Variants in KLF12 observed in about 807,000 individuals in gnomAD.
The protein encoded by KLF12 is KLF transcription factor 12, also known as Krueppel-like factor 12.
In KLF12, 9 loss-of-function variants were observed where a neutral mutation model predicts 37.8. The observed-to-expected ratio is 0.24, with a 90% confidence interval of 0.14 to 0.42. The LOEUF (loss-of-function observed/expected upper bound fraction) is 0.42, where lower values mean the gene tolerates loss of function less well. Among genes scored for constraint, KLF12 ranks in the 10% least tolerant of loss-of-function variants. KLF12 has a pLI of 1.00. For synonymous variants in KLF12, 208 were observed against 202.1 expected (o/e 1.03, Z -0.25); for missense variants, 411 against 516.0 (o/e 0.80, Z 1.97).
intron 4 of KLF12, among the ~76,000 whole-genome samples, chr13:73,828,690 A>G (rs1055569885): frequency 6.6e-6 from 1 of 152,104 alleles, no homozygotes; most frequent in African/African-American, 2.4e-5. Context: ...AATCCCATCT[A>G]CTTCCAAGTT....
chr13:74,288,651 A>G, the KLF12 span, among the ~76,000 whole-genome samples: 2 of 152,190 alleles, frequency 1.3e-5, no homozygotes, highest in Admixed American at 1.3e-4. Context: ...CAAGAAATGG[A>G]AGCCTCCGCA....
intron 6 of KLF12, among the ~76,000 whole-genome samples, chr13:73,724,508 T>A (rs758739970): frequency 8.5e-5 from 13 of 152,216 alleles, no homozygotes; most frequent in Non-Finnish European, 1.8e-4. Flanking sequence ...AGAATGACTG[T>A]CTGAGGCCAC....
chr13:74,113,478 T>C (rs1391629679), intron 1 of KLF12, among the ~76,000 whole-genome samples: 1 of 152,220 alleles, frequency 6.6e-6, no homozygotes, highest in Non-Finnish European at 1.5e-5. Flanking sequence ...TGAAAAATTA[T>C]GCTAAATCTA....
chr13:73,826,181 G>C (rs1286509671), intron 4 of KLF12, among the ~76,000 whole-genome samples: 8 of 151,870 alleles, frequency 5.3e-5, no homozygotes, highest in Admixed American at 5.2e-4. Context: ...CACCGTGTTA[G>C]TCAGGATTGT....
chr13:73,917,476 T>A (rs1888903751), intron 3 of KLF12, among the ~76,000 whole-genome samples: 1 of 152,214 alleles, frequency 6.6e-6, no homozygotes, highest in Non-Finnish European at 1.5e-5. Context: ...CCATACTGCT[T>A]ATGACATACA....
chr13:73,855,238 C>G (rs184624091), intron 3 of KLF12, among the ~76,000 whole-genome samples: 73 of 152,276 alleles, frequency 4.8e-4, no homozygotes, highest in Admixed American at 2.0e-3. Flanking sequence ...GTTTTCCAAT[C>G]CTTGCCTCCC....
At chr13:73,943,226 G>A (rs1593764374) in intron 3 of KLF12, among the ~76,000 whole-genome samples, 3 of 152,122 alleles carry the variant, frequency 2.0e-5, no homozygotes, top group African/African-American at 7.2e-5. Context: ...TGCCTCAGTG[G>A]TGGTGGTTTA....
chr13:74,253,390 C>A, the KLF12 span, among the ~76,000 whole-genome samples: 2 of 152,062 alleles, frequency 1.3e-5, no homozygotes, highest in Non-Finnish European at 2.9e-5. Context: ...GACTTTGAAA[C>A]CACAATATAT....
chr13:74,149,771 G>A, the KLF12 span, among the ~76,000 whole-genome samples: 3 of 152,168 alleles, frequency 2.0e-5, no homozygotes, highest in Admixed American at 6.6e-5. Flanking sequence ...ATGGCTACCT[G>A]TGACCTCTCC....
chr13:73,978,488 C>T (rs1248575951), intron 2 of KLF12, among the ~76,000 whole-genome samples: 1 of 152,292 alleles, frequency 6.6e-6, no homozygotes, highest in East Asian at 1.9e-4. Flanking sequence ...GCAACAAGGA[C>T]TCTCACTCAT....
chr13:74,050,660 G>A (rs139642040), intron 1 of KLF12, among the ~76,000 whole-genome samples: 3 of 152,266 alleles, frequency 2.0e-5, no homozygotes, highest in African/African-American at 7.2e-5. Flanking sequence ...TATTGGTCTG[G>A]TCAATGATTT....
intron 6 of KLF12, among the ~76,000 whole-genome samples, chr13:73,736,847 C>T (rs1358415799): frequency 6.6e-6 from 1 of 151,944 alleles, no homozygotes; most frequent in African/African-American, 2.4e-5. Flanking sequence ...AGAGAATGAC[C>T]AAAACAAAAC....
At position 74,020,816 on chromosome 13, in the gene KLF12, G is replaced by A. The variant is rs577503064; in HGVS notation, c.-31-25763C>T. Among the ~76,000 whole-genome samples, 16 of 151,948 alleles carry A rather than the reference G, an allele frequency of 1.1e-4. No individual in the cohort carries two copies. The South Asian group carries it at 1.7e-3, about 16-fold the overall frequency. On this transcript the variant is annotated intron_variant, in intron 1 of 7. Coordinates refer to ENST00000377669, the MANE Select transcript of KLF12 (RefSeq NM_007249.5). The stretch of plus-strand genomic sequence containing the variant: ...TGAGGCAGGAGAATGGCGTGAACCC[G>A]GGAGGCGGAGCTTGCAGTGAGTGAA...
the KLF12 span, among the ~76,000 whole-genome samples, chr13:74,187,689 G>A: frequency 3.3e-5 from 5 of 152,216 alleles, no homozygotes; most frequent in African/African-American, 1.2e-4. Flanking sequence ...GGGATGACTG[G>A]GGGCCAGAGA....
intron 1 of KLF12, among the ~76,000 whole-genome samples, chr13:74,006,863 T>C (rs1892422190): frequency 6.6e-6 from 1 of 152,226 alleles, no homozygotes. Context: ...GTCTGAACGA[T>C]TGCTCATCTC....
chr13:73,763,002 T>C (rs778016312), intron 6 of KLF12, among the ~76,000 whole-genome samples: 3 of 152,306 alleles, frequency 2.0e-5, no homozygotes, highest in Admixed American at 1.3e-4. Flanking sequence ...AATTTGGAAA[T>C]ATCTCCAGGT....
At chr13:73,842,932 A>G (rs145965324) in intron 4 of KLF12, among the ~76,000 whole-genome samples, 2,425 of 152,320 alleles carry the variant, frequency 0.016, 37 homozygotes, top group Admixed American at 0.025. Context: ...CAGTTTTACT[A>G]TTACCTAATT....
chr13:73,893,369 C>CTTTTT (rs71115621), intron 3 of KLF12, among the ~76,000 whole-genome samples: 5 of 50,582 alleles, frequency 9.9e-5, no homozygotes, highest in African/African-American at 1.6e-4. Context: ...ACAATATTGA[C>CTTTTT]TTTTTTTTTT....
At chr13:73,867,538 A>G (rs1252164296) in intron 3 of KLF12, among the ~76,000 whole-genome samples, 1 of 152,068 alleles carries the variant, frequency 6.6e-6, no homozygotes, top group Non-Finnish European at 1.5e-5. Context: ...ATAGTGTGAG[A>G]TTTTAGCATA....
Sources: allele counts gnomAD v4.1 joint callset (sites outside exome capture counted in the v4.1 genomes callset), GRCh38; gene constraint gnomAD v4.1.1; transcripts MANE v1.5; gene names NCBI Gene and HGNC (gene_info 2026-07-23, HGNC 2026-07-21).